Variants in CHEK1 observed in about 807,000 individuals in gnomAD.
The protein encoded by CHEK1 is checkpoint kinase 1, also known as serine/threonine-protein kinase Chk1.
A neutral mutation model predicts 60.2 loss-of-function variants in CHEK1; 32 were observed. The ratio of observed to expected loss-of-function variants is 0.53; its 90% CI spans 0.40 to 0.71. CHEK1 has a LOEUF of 0.71. Ranked by LOEUF, CHEK1 falls within the 30% of genes least tolerant of loss-of-function variation. The pLI is 0.00. For synonymous variants in CHEK1, 179 were observed against 187.2 expected (o/e 0.96, Z 0.36); for missense variants, 399 against 564.6 (o/e 0.71, Z 2.97).
downstream of CHEK1, chr11:125,676,616 G>A (rs1173001971): frequency 9.9e-6 from 11 of 1,114,882 alleles, no homozygotes; most frequent in Non-Finnish European, 1.4e-5. Flanking sequence ...GGGGATCTGG[G>A]CCCTGTGTCT....
At chr11:125,654,778 T>C (rs1941856024) in intron 12 of CHEK1, among the ~76,000 whole-genome samples, 1 of 152,206 alleles carries the variant, frequency 6.6e-6, no homozygotes, top group Non-Finnish European at 1.5e-5. Flanking sequence ...TTCAGATGCT[T>C]GCTACAGAAT....
chr11:125,647,610 GTA>G (rs753469001), intron 11 of CHEK1, among the ~76,000 whole-genome samples: 12 of 151,936 alleles, frequency 7.9e-5, no homozygotes, highest in Non-Finnish European at 1.6e-4. Flanking sequence ...TTCCATTTTA[GTA>G]TATATTGAGT....
intron 5 of CHEK1, among the ~76,000 whole-genome samples, chr11:125,631,077 GAA>G (rs796342355): frequency 6.6e-6 from 1 of 151,986 alleles, no homozygotes; most frequent in East Asian, 1.9e-4. Context: ...TAAACATGGA[GAA>G]AAAAACATGC....
intron 11 of CHEK1, among the ~76,000 whole-genome samples, chr11:125,649,520 T>C (rs1228340923): frequency 1.3e-5 from 2 of 152,046 alleles, no homozygotes; most frequent in African/African-American, 4.8e-5. Flanking sequence ...GGCCAGGAGT[T>C]TGAGACCAGC....
chr11:125,678,978 TTATA>T (rs10522682), downstream of CHEK1, among the ~76,000 whole-genome samples: 59 of 88,438 alleles, frequency 6.7e-4, 5 homozygotes, highest in African/African-American at 1.6e-3. Flanking sequence ...TCTAGGCATA[TTATA>T]TATATATATA....
intron 11 of CHEK1, among the ~76,000 whole-genome samples, chr11:125,645,532 GAAA>G (rs1431906776): frequency 6.6e-6 from 1 of 152,048 alleles, no homozygotes; most frequent in African/African-American, 2.4e-5. Context: ...TCATGTATTT[GAAA>G]AAAACTATAA....
downstream of CHEK1, among the ~76,000 whole-genome samples, chr11:125,678,698 A>G (rs506652): frequency 0.047 from 7,091 of 151,966 alleles, 195 homozygotes; most frequent in African/African-American, 0.053. Context: ...CCATTCCTCT[A>G]TGGGTGAAAG....
rs79908494 is a variant in CHEK1 at position 125,626,853 on chromosome 11, C to T, written c.65+20C>T. 301 of 1,613,356 alleles carry T rather than the reference C, an allele frequency of 1.9e-4. 1 individual carries two copies. The African/African-American group carries it at 3.5e-3, about 19-fold the overall frequency. On this transcript the variant is annotated intron_variant, in intron 2 of 12. Coordinates refer to ENST00000438015, the MANE Select transcript of CHEK1 (RefSeq NM_001114122.3). Reference sequence around the variant, plus strand: ...TGGAGAGTGAGTTCTTTTAAGCTTGCCTTCGTTTTCTGAGTGCATATTCAT... The same window carrying T: ...TGGAGAGTGAGTTCTTTTAAGCTTGTCTTCGTTTTCTGAGTGCATATTCAT...
intron 2 of CHEK1, among the ~76,000 whole-genome samples, chr11:125,627,092 G>A (rs1311889631): frequency 1.3e-5 from 2 of 152,158 alleles, no homozygotes; most frequent in African/African-American, 4.8e-5. Context: ...TGCGGTTAAT[G>A]AGCAAATGAG....
intron 9 of CHEK1, 37 bp downstream of exon 9, chr11:125,643,937 G>A (rs1941398345): frequency 3.8e-6 from 6 of 1,564,014 alleles, no homozygotes; most frequent in Non-Finnish European, 5.3e-6. Context: ...TTTGATTGTA[G>A]TATTCCCCAT....
chr11:125,662,659 CTT>C (rs1322677699), intron 13 of CHEK1, among the ~76,000 whole-genome samples: 1 of 152,168 alleles, frequency 6.6e-6, no homozygotes, highest in African/African-American at 2.4e-5. Flanking sequence ...TATATCTACT[CTT>C]TTGCTATTGT....
chr11:125,679,635 AG>A (rs1241635539), downstream of CHEK1, among the ~76,000 whole-genome samples: 1 of 152,256 alleles, frequency 6.6e-6, no homozygotes, highest in Non-Finnish European at 1.5e-5. Context: ...ACCTAGAGGA[AG>A]ACAAGTAGAC....
downstream of CHEK1, among the ~76,000 whole-genome samples, chr11:125,679,929 AAC>A (rs1942718341): frequency 6.6e-6 from 1 of 152,170 alleles, no homozygotes; most frequent in Non-Finnish European, 1.5e-5. Flanking sequence ...TTCAATAATT[AAC>A]ACAAGTTTTG....
rs1941898245 is a variant in CHEK1 at position 125,656,217 on chromosome 11, G to A, written c.*897G>A. On this transcript the variant is annotated 3_prime_UTR_variant, in exon 13 of 13. Transcript: ENST00000438015. ...TTGGGGCATATTAGGTTGAGGCCTTGGCTCCTGCCTGTAGTCCCAGCTACT... is the reference window on the plus strand; with the variant it reads ...TTGGGGCATATTAGGTTGAGGCCTTAGCTCCTGCCTGTAGTCCCAGCTACT... 9.4e-6 allele frequency: 2 copies of A among 213,672 alleles called. No homozygotes were observed. Among genetic ancestry groups the A allele is most frequent in the Non-Finnish European group, 9.5e-6 (1 of 105,710 alleles). The allele number at this position is 213,672 out of a possible 1,614,324, so 13.2% of individuals were successfully genotyped here.
At chr11:125,646,444 A>G (rs1008291482) in intron 11 of CHEK1, among the ~76,000 whole-genome samples, 1 of 152,102 alleles carries the variant, frequency 6.6e-6, no homozygotes, top group Non-Finnish European at 1.5e-5. Context: ...ATCTTGTACC[A>G]GTTTTTGTGT....
rs1941817356 is a variant in CHEK1 at position 125,653,891 on chromosome 11, A to G, written c.1335+44A>G. On this transcript the variant is annotated intron_variant, in intron 12 of 12. Coordinates refer to ENST00000438015, the MANE Select transcript of CHEK1 (RefSeq NM_001114122.3). This position sits in a 1 kb window ranked among gnomAD's most constrained non-coding sequence, Gnocchi z 4.3. ...GTATTCTTTCTATGGAAATATTTCT[A>G]TATGAATTTTTTTAATGGCATTATG... is the stretch of plus-strand genomic sequence containing the variant. The G allele has an allele frequency of 8.3e-7, 1 of 1,198,478 alleles. No homozygotes were observed. Among genetic ancestry groups the G allele is most frequent in the African/African-American group, 1.6e-5 (1 of 63,512 alleles). 74.2% of individuals were successfully genotyped at this position (1,198,478 alleles called of 1,614,324 possible). A position where few individuals can be genotyped will look rare whatever the true frequency, so the allele number is the denominator to read the frequency against.
At chr11:125,630,023 C>T (rs919133727) in intron 5 of CHEK1, among the ~76,000 whole-genome samples, 1 of 152,042 alleles carries the variant, frequency 6.6e-6, no homozygotes, top group Non-Finnish European at 1.5e-5. Context: ...CATGCCTGGC[C>T]AAGAATAGTT....
At chr11:125,628,166 A>G (rs970440221) in intron 3 of CHEK1, among the ~76,000 whole-genome samples, 1 of 152,232 alleles carries the variant, frequency 6.6e-6, no homozygotes, top group Non-Finnish European at 1.5e-5. Flanking sequence ...TTCTTTGTAG[A>G]CATTCTAGTT....
At chr11:125,657,877 A>G (rs1941947977), downstream of CHEK1, among the ~76,000 whole-genome samples, 1 of 151,026 alleles carries the variant, frequency 6.6e-6, no homozygotes, top group African/African-American at 2.4e-5. Context: ...GGATAGAATA[A>G]TGACAAACTG....
Sources: gnomAD v4.1 joint callset for allele counts (sites outside exome capture counted in the v4.1 genomes callset) on GRCh38, gnomAD v4.1.1 for gene constraint, Gnocchi (gnomAD v3.1) non-coding constraint, MANE v1.5 for transcripts, NCBI Gene and HGNC (gene_info 2026-07-23, HGNC 2026-07-21) for gene names.